SV2C: variants seen among roughly 807,000 people sequenced by gnomAD.
SV2C encodes solute carrier family 22 member B3.
A neutral mutation model predicts 79.7 loss-of-function variants in SV2C; 49 were observed. The observed-to-expected ratio is 0.61, with a 90% CI of 0.49 to 0.78. SV2C has a LOEUF of 0.78. SV2C is among the 30% of genes least tolerant of loss of function. SV2C has a pLI of 0.00. For missense variants in SV2C, 833 were observed against 912.9 expected, an observed-to-expected ratio of 0.91 and a Z score of 1.13; for synonymous variants, 334 against 333.2, an observed-to-expected ratio of 1.00 and a Z score of -0.03.
At chr5:76,151,859 T>G (rs2112231161) in intron 2 of SV2C, among the ~76,000 whole-genome samples, 1 of 152,180 alleles carries the variant, frequency 6.6e-6, no homozygotes, top group South Asian at 2.1e-4. Context: ...GCCAAGCTGC[T>G]AAGAGGAAGC....
chr5:76,114,374 C>T (rs961393477), intron 1 of SV2C, among the ~76,000 whole-genome samples: 3 of 152,134 alleles, frequency 2.0e-5, no homozygotes, highest in Admixed American at 6.5e-5. Flanking sequence ...GAAATATTTA[C>T]TAAGTAAAAC....
chr5:75,916,567 C>T, the SV2C span, among the ~76,000 whole-genome samples: 1 of 152,148 alleles, frequency 6.6e-6, no homozygotes, highest in African/African-American at 2.4e-5. Context: ...CTCCGTCTCC[C>T]AGGTTCAAGT....
At chr5:75,963,394 C>G in the SV2C span, among the ~76,000 whole-genome samples, 1 of 152,052 alleles carries the variant, frequency 6.6e-6, no homozygotes, top group Non-Finnish European at 1.5e-5. Flanking sequence ...TCTGGCCTCC[C>G]TTATGATTCT....
chr5:76,112,271 A>C (rs1748118156), intron 1 of SV2C, among the ~76,000 whole-genome samples: 1 of 152,182 alleles, frequency 6.6e-6, no homozygotes. Flanking sequence ...AGGCACTGGC[A>C]CTCTTAGGTG....
At chr5:76,206,769 A>G (rs1744620728) in intron 3 of SV2C, among the ~76,000 whole-genome samples, 1 of 152,230 alleles carries the variant, frequency 6.6e-6, no homozygotes, top group African/African-American at 2.4e-5. Context: ...AGTAATAGTA[A>G]TAGTTTCTTC....
the SV2C span, among the ~76,000 whole-genome samples, chr5:76,022,631 T>G: frequency 1.8e-4 from 28 of 152,356 alleles, no homozygotes; most frequent in East Asian, 5.2e-3. Flanking sequence ...GGAACCACTC[T>G]GTCCAGTCAT....
the SV2C span, among the ~76,000 whole-genome samples, chr5:75,852,230 G>A: frequency 5.9e-5 from 9 of 151,992 alleles, no homozygotes; most frequent in African/African-American, 1.9e-4. Context: ...GAGTTGATGG[G>A]TGCAGCAAAC....
chr5:75,968,912 C>T, the SV2C span, among the ~76,000 whole-genome samples: 1,603 of 152,196 alleles, frequency 0.011, 27 homozygotes, highest in African/African-American at 0.031. Context: ...AAAATGTTAA[C>T]GGCAGCCAGA....
At chr5:76,174,168 G>T in intron 2 of SV2C, 2 of 1,612,486 alleles carry the variant, frequency 1.2e-6, no homozygotes. Context: ...AGAACGACTA[G>T]CTTATACTCA....
the SV2C span, among the ~76,000 whole-genome samples, chr5:76,030,289 T>TTTTTTTTA: frequency 3.2e-4 from 38 of 117,902 alleles, no homozygotes; most frequent in South Asian, 7.7e-4. Context: ...TTTTTTTTTT[T>TTTTTTTTA]TTTATTTATT....
At chr5:76,032,462 T>A in the SV2C span, among the ~76,000 whole-genome samples, 2 of 152,186 alleles carry the variant, frequency 1.3e-5, no homozygotes, top group Non-Finnish European at 2.9e-5. Context: ...GTGTTCTCAT[T>A]GTTCAATTCC....
the SV2C span, among the ~76,000 whole-genome samples, chr5:76,057,037 T>C: frequency 6.6e-6 from 1 of 152,150 alleles, no homozygotes; most frequent in African/African-American, 2.4e-5. Context: ...TTCTGCAAGC[T>C]GTTGGATTTA....
At chr5:75,984,371 C>T in the SV2C span, among the ~76,000 whole-genome samples, 1 of 152,090 alleles carries the variant, frequency 6.6e-6, no homozygotes, top group Non-Finnish European at 1.5e-5. Flanking sequence ...ATATGCTAGG[C>T]TAGGTGCTTT....
chr5:76,281,213 A>G, intron 4 of SV2C: 1 of 530,710 alleles, frequency 1.9e-6, no homozygotes, highest in East Asian at 5.4e-5. Flanking sequence ...AGAAAAGACA[A>G]CAACAGTGAA....
At position 76,274,780 on chromosome 5, in the gene SV2C, G is replaced by A. The variant is rs1746973206; in HGVS notation, c.914-10382G>A. On this transcript the variant is annotated intron_variant, in intron 4 of 12. Coordinates refer to ENST00000502798, the MANE Select transcript of SV2C (RefSeq NM_014979.4). ...ATCCAGCTGCATCTGGTTAAATCTG[G>A]TGGAGTCACAGATGCATGACAACCT... Among the ~76,000 whole-genome samples, 3 of 151,628 alleles carry A rather than the reference G, an allele frequency of 2.0e-5. No homozygotes were observed. The South Asian group carries it at 6.2e-4, about 32-fold the overall frequency.
chr5:76,060,457 G>A, the SV2C span, among the ~76,000 whole-genome samples: 36 of 152,192 alleles, frequency 2.4e-4, 1 homozygote, highest in African/African-American at 7.7e-4. Flanking sequence ...TAAGTGCAGC[G>A]TCATCTTTCA....
chr5:75,968,733 C>A, the SV2C span, among the ~76,000 whole-genome samples: 1 of 152,154 alleles, frequency 6.6e-6, no homozygotes, highest in African/African-American at 2.4e-5. Context: ...AGAATGGAAC[C>A]AAGTTGGAAA....
intron 2 of SV2C, among the ~76,000 whole-genome samples, chr5:76,192,718 AAGCTGTTGGGT>A (rs1375911039): frequency 5.3e-5 from 8 of 152,220 alleles, no homozygotes; most frequent in African/African-American, 1.9e-4. Flanking sequence ...TGTCTCCAAT[AAGCTGTTGGGT>A]AGGATTAATT....
intron 12 of SV2C, among the ~76,000 whole-genome samples, chr5:76,323,964 T>C (rs1748907647): frequency 6.6e-6 from 1 of 152,152 alleles, no homozygotes; most frequent in African/African-American, 2.4e-5. Context: ...CATGTATACC[T>C]ATGTAACAAA....
Sources: allele counts gnomAD v4.1 joint callset (sites outside exome capture counted in the v4.1 genomes callset), GRCh38; gene constraint gnomAD v4.1.1; transcripts MANE v1.5; gene names NCBI Gene and HGNC (gene_info 2026-07-23, HGNC 2026-07-21).